Variants in BCL2L13 observed in about 807,000 individuals in gnomAD.
The protein encoded by BCL2L13 is BCL2 like 13, also known as bcl-2-like protein 13.
BCL2L13 carries 13 observed loss-of-function variants against 25.8 expected under a neutral mutation model. The observed-to-expected ratio is 0.50, with a 90% CI of 0.33 to 0.80. BCL2L13 has a LOEUF of 0.80. Among genes scored for constraint, BCL2L13 ranks in the 30% least tolerant of loss-of-function variants. BCL2L13 has a pLI of 0.02. For missense variants in BCL2L13, 504 were observed against 574.9 expected, an observed-to-expected ratio of 0.88 and a Z score of 1.26; for synonymous variants, 244 against 230.3, an observed-to-expected ratio of 1.06 and a Z score of -0.54.
Position 17,706,602 on chromosome 22 carries a change from G to A in BCL2L13, c.600+4216G>A, listed in dbSNP as rs899384618. 6.4e-6 allele frequency: 7 copies of A among 1,101,064 alleles called. No individual in the cohort carries two copies. In the African/African-American group the frequency reaches 9.7e-5, roughly 15 times the overall value. 68.2% of individuals were successfully genotyped at this position (1,101,064 alleles called of 1,614,324 possible). ...TTCACATGCGTCTCTGAAGAGTGTG[G>A]TTTTTTTCCCTCTCCTTAAGTCTGA... is the stretch of plus-strand genomic sequence containing the variant. On this transcript the variant is annotated intron_variant, in intron 6 of 6. Coordinates refer to ENST00000317582, the MANE Select transcript of BCL2L13 (RefSeq NM_015367.4).
intron 2 of BCL2L13, among the ~76,000 whole-genome samples, chr22:17,673,860 C>T (rs376585710): frequency 4.6e-5 from 7 of 151,856 alleles, no homozygotes; most frequent in Non-Finnish European, 8.8e-5. Context: ...CTCTCCCTAG[C>T]GAGGTTGCCA....
chr22:17,636,112 T>G (rs1410415061), upstream of BCL2L13, among the ~76,000 whole-genome samples: 3 of 150,130 alleles, frequency 2.0e-5, no homozygotes, highest in Admixed American at 6.7e-5. Flanking sequence ...TCACTTGGGG[T>G]CAGGAGTTCG....
At chr22:17,702,419 TGA>T in intron 6 of BCL2L13, 33 bp downstream of exon 6, 1 of 1,485,670 alleles carries the variant, frequency 6.7e-7, no homozygotes, top group Non-Finnish European at 8.9e-7. Context: ...AATATTTTCT[TGA>T]AAAAAAATTA....
chr22:17,726,943 A>G lies in BCL2L13; in HGVS notation c.867A>G (p.Leu289=). ...TGGATCCTGAAGAAGTGAAAAGCTT[A>G]GACAGCAACGGAGCTGGAGAGAAGA... ...IAMDPEEVKS[L]DSNGAGEKSE... is the part of the protein sequence containing the mutation. The change falls in exon 7 of 7, where the codon TTA becomes TTG. Residue 289 remains leucine (L), a synonymous_variant. Coordinates refer to ENST00000317582, the MANE Select transcript of BCL2L13 (RefSeq NM_015367.4). The G allele has an allele frequency of 6.2e-7, 1 of 1,614,220 alleles. No homozygotes were observed. The highest frequency in any genetic ancestry group is 8.5e-7 in the Non-Finnish European group (1 of 1,180,046).
chr22:17,662,055 A>G (rs565633077), intron 2 of BCL2L13, among the ~76,000 whole-genome samples: 27 of 152,196 alleles, frequency 1.8e-4, no homozygotes, highest in South Asian at 6.2e-4. Flanking sequence ...TTTAATTGAC[A>G]TTTTTTCAGG....
intron 6 of BCL2L13, among the ~76,000 whole-genome samples, chr22:17,710,391 A>G (rs1282674272): frequency 6.6e-6 from 1 of 151,498 alleles, no homozygotes; most frequent in Non-Finnish European, 1.5e-5. Flanking sequence ...GACCAGCAAC[A>G]TGGTGAATCC....
At chr22:17,693,721 C>T (rs922192559) in intron 4 of BCL2L13, among the ~76,000 whole-genome samples, 1 of 151,170 alleles carries the variant, frequency 6.6e-6, no homozygotes, top group African/African-American at 2.4e-5. Flanking sequence ...GACTCCTTCT[C>T]TTCTTTCTTT....
At chr22:17,686,251 T>C (rs1268764630) in intron 3 of BCL2L13, among the ~76,000 whole-genome samples, 1 of 151,800 alleles carries the variant, frequency 6.6e-6, no homozygotes, top group Non-Finnish European at 1.5e-5. Flanking sequence ...GAGTTTGAGA[T>C]GACCCCAGCC....
intron 2 of BCL2L13, among the ~76,000 whole-genome samples, chr22:17,657,156 C>T (rs2058901206): frequency 6.6e-6 from 1 of 152,008 alleles, no homozygotes; most frequent in Admixed American, 6.6e-5. Context: ...GGTGGTGTTT[C>T]AAACTTAAAC....
intron 6 of BCL2L13, chr22:17,706,927 T>C: frequency 4.6e-6 from 4 of 871,512 alleles, no homozygotes; most frequent in Non-Finnish European, 6.7e-6. Context: ...GAATGTCATC[T>C]GTCTATTGTA....
chr22:17,629,815 TCATACACACACACA>T (rs1568900993), intron 1 of BCL2L13, among the ~76,000 whole-genome samples: 1 of 115,268 alleles, frequency 8.7e-6, no homozygotes, highest in Non-Finnish European at 1.7e-5. Context: ...CACTTTATTT[TCATACACACACACA>T]CACACACACA....
At chr22:17,667,612 G>A (rs2059273659) in intron 2 of BCL2L13, among the ~76,000 whole-genome samples, 2 of 151,976 alleles carry the variant, frequency 1.3e-5, no homozygotes, top group Non-Finnish European at 2.9e-5. Flanking sequence ...AGGTTCAAGC[G>A]ATTCTCCTGC....
At chr22:17,717,685 G>A (rs933063005) in intron 6 of BCL2L13, among the ~76,000 whole-genome samples, 5 of 152,184 alleles carry the variant, frequency 3.3e-5, no homozygotes, top group Non-Finnish European at 7.3e-5. Context: ...CCAGGAATTG[G>A]AGAAACCCAA....
chr22:17,641,855 A>G (rs894209440), intron 1 of BCL2L13, among the ~76,000 whole-genome samples: 2 of 145,770 alleles, frequency 1.4e-5, no homozygotes, highest in Admixed American at 1.4e-4. Context: ...GCTGGAGTGC[A>G]GTGGTGCCAT....
intron 2 of BCL2L13, among the ~76,000 whole-genome samples, chr22:17,658,325 A>G (rs1411412786): frequency 6.6e-6 from 1 of 152,118 alleles, no homozygotes; most frequent in Non-Finnish European, 1.5e-5. Flanking sequence ...CCTTCAGTGT[A>G]TTTCATATTT....
chr22:17,653,022 G>T (rs935003273), intron 1 of BCL2L13, among the ~76,000 whole-genome samples: 1 of 152,024 alleles, frequency 6.6e-6, no homozygotes, highest in African/African-American at 2.4e-5. Context: ...CCGAGATCGC[G>T]CCACTGCACT....
Position 17,729,907 on chromosome 22 carries a change from A to T in BCL2L13, c.*2373A>T, listed in dbSNP as rs1014889427. Reference sequence around the variant, plus strand: ...CCAGCAGTGGAAGGGAACAGCCCTCATGAGGACTGCTTCCTACTGCAGCTC... The same window carrying T: ...CCAGCAGTGGAAGGGAACAGCCCTCTTGAGGACTGCTTCCTACTGCAGCTC... On this transcript the variant is annotated 3_prime_UTR_variant, in exon 7 of 7. Transcript: ENST00000317582. 1 of 152,218 alleles carries T rather than the reference A, an allele frequency of 6.6e-6. No individual in the cohort carries two copies. Among genetic ancestry groups the T allele is most frequent in the Non-Finnish European group, 1.5e-5 (1 of 68,042 alleles). 9.4% of individuals were successfully genotyped at this position (152,218 alleles called of 1,614,324 possible).
chr22:17,649,871 C>CTTTTTTT (rs71201855), intron 1 of BCL2L13, among the ~76,000 whole-genome samples: 2 of 94,388 alleles, frequency 2.1e-5, no homozygotes, highest in African/African-American at 4.0e-5. Flanking sequence ...TTTTTCTTTT[C>CTTTTTTT]TTTTTTTTTT....
chr22:17,630,591 C>CTTT (rs568905142), intron 1 of BCL2L13, among the ~76,000 whole-genome samples: 1 of 120,570 alleles, frequency 8.3e-6, no homozygotes, highest in Admixed American at 8.5e-5. Flanking sequence ...TTTTTCTTTT[C>CTTT]TTTTTTTTTT....
Sources: gnomAD v4.1 joint callset for allele counts (sites outside exome capture counted in the v4.1 genomes callset) on GRCh38, gnomAD v4.1.1 for gene constraint, MANE v1.5 for transcripts, NCBI Gene and HGNC (gene_info 2026-07-23, HGNC 2026-07-21) for gene names.